Variants in SLC39A10 observed in about 807,000 individuals in gnomAD.
SLC39A10 encodes zinc transporter ZIP10.
SLC39A10 carries 13 observed loss-of-function variants against 65.1 expected under a neutral mutation model. The ratio of observed to expected loss-of-function variants is 0.20; its 90% confidence interval spans 0.13 to 0.32. The LOEUF (loss-of-function observed/expected upper bound fraction) is 0.32. Ranked by LOEUF, SLC39A10 falls within the 10% of genes least tolerant of loss-of-function variation. The probability of loss-of-function intolerance (pLI) is 1.00; values close to 1 mark genes in which losing one functional copy is unlikely to be tolerated. For synonymous variants in SLC39A10, 321 were observed against 342.2 expected (o/e 0.94, Z 0.68); for missense variants, 831 against 1,018.4 (o/e 0.82, Z 2.50).
At chr2:195,698,159 G>C (rs1691043170) in intron 3 of SLC39A10, among the ~76,000 whole-genome samples, 2 of 152,006 alleles carry the variant, frequency 1.3e-5, no homozygotes, top group African/African-American at 4.8e-5. Flanking sequence ...AGAAAAGTGA[G>C]AGTTTATTAG....
chr2:195,708,469 A>C (rs980865312), intron 4 of SLC39A10, among the ~76,000 whole-genome samples, 187 bp from the exon 5 acceptor site: 1 of 152,212 alleles, frequency 6.6e-6, no homozygotes, highest in African/African-American at 2.4e-5. Context: ...AAAATGTAGT[A>C]GTATTTTGGA....
At chr2:195,650,787 C>A (rs1419798453) in intron 2 of SLC39A10, among the ~76,000 whole-genome samples, 2 of 152,132 alleles carry the variant, frequency 1.3e-5, no homozygotes, top group East Asian at 3.8e-4. Flanking sequence ...GCGCATCAGA[C>A]AAGTTTGTCC....
At chr2:195,714,987 C>T (rs1451063897) in intron 6 of SLC39A10, among the ~76,000 whole-genome samples, 1 of 151,712 alleles carries the variant, frequency 6.6e-6, no homozygotes, top group African/African-American at 2.4e-5. Context: ...CTCCTGACCT[C>T]GTGATTCGCC....
At chr2:195,707,723 A>G (rs1691458222) in intron 4 of SLC39A10, among the ~76,000 whole-genome samples, 1 of 152,162 alleles carries the variant, frequency 6.6e-6, no homozygotes, top group South Asian at 2.1e-4. Context: ...GAGTTATTGA[A>G]GTGAGAACAG....
Position 195,728,219 on chromosome 2 carries a change from T to C in SLC39A10, c.2207T>C (p.Leu736Pro), listed in dbSNP as rs368814660. 6.2e-7 allele frequency: 1 copy of C among 1,613,898 alleles called. No homozygotes were observed. The highest frequency in any genetic ancestry group is 1.3e-5 in the African/African-American group (1 of 74,918). ...GTAAAGCAAGCAATTGTATACAACC[T>C]CCTCTCTGCCATGATGGCTTACATA... ...MTVKQAIVYN[L>P]LSAMMAYIGM... The change falls in exon 9 of 10, where the codon CTC becomes CCC. Residue 736 changes from leucine (L) to proline (P), a missense_variant. By Grantham distance (98) the Leu-to-Pro change is moderately conservative. Transcript: ENST00000359634. This position sits in a 1 kb window ranked among gnomAD's most constrained non-coding sequence, Gnocchi z 4.4.
chr2:195,625,523 C>T (rs1473144006), intron 2 of SLC39A10, among the ~76,000 whole-genome samples: 3 of 151,966 alleles, frequency 2.0e-5, no homozygotes, highest in African/African-American at 7.2e-5. Context: ...GTGATCCGCC[C>T]GCCTCGGCCT....
intron 2 of SLC39A10, among the ~76,000 whole-genome samples, chr2:195,615,900 TTA>T (rs1688196036): frequency 6.6e-6 from 1 of 152,226 alleles, no homozygotes; most frequent in Non-Finnish European, 1.5e-5. Flanking sequence ...TGCTTTCTAA[TTA>T]TGTGTATTTA....
intron 2 of SLC39A10, among the ~76,000 whole-genome samples, chr2:195,637,115 T>A (rs1167334585): frequency 1.3e-5 from 2 of 152,140 alleles, no homozygotes; most frequent in Non-Finnish European, 2.9e-5. Flanking sequence ...TGAATGAGAA[T>A]TGTTCCAGTG....
chr2:195,638,136 T>G (rs970232365), intron 2 of SLC39A10, among the ~76,000 whole-genome samples: 1 of 152,102 alleles, frequency 6.6e-6, no homozygotes, highest in African/African-American at 2.4e-5. Flanking sequence ...AACAATAATT[T>G]TATTTATTTA....
At chr2:195,645,679 C>G (rs1044470859) in intron 2 of SLC39A10, among the ~76,000 whole-genome samples, 1 of 152,128 alleles carries the variant, frequency 6.6e-6, no homozygotes, top group Non-Finnish European at 1.5e-5. Flanking sequence ...GAAGTGAAAT[C>G]ATATAATGTC....
chr2:195,718,357 C>G lies in SLC39A10; in HGVS notation c.2146+25C>G, dbSNP rs770018440. 3.3e-6 allele frequency: 5 copies of G among 1,530,624 alleles called. No homozygotes were observed. In the African/African-American group the frequency reaches 6.8e-5, roughly 21 times the overall value. 94.8% of individuals were successfully genotyped at this position (1,530,624 alleles called of 1,614,324 possible). A position where few individuals can be genotyped will look rare whatever the true frequency, so the allele number is the denominator to read the frequency against. On this transcript the variant is annotated intron_variant, in intron 8 of 9. Coordinates refer to ENST00000359634, the MANE Select transcript of SLC39A10 (RefSeq NM_020342.3). ...GGTAATATAACCTTAAAAATTTTAC[C>G]AGATTTCATCAAATCTAAGACTTCC...
chr2:195,702,932 T>C lies in SLC39A10; in HGVS notation c.1217-3684T>C, dbSNP rs79079467. On this transcript the variant is annotated intron_variant, in intron 3 of 9. Transcript: ENST00000359634. ...AAGTAAATTGATTTTTTTCATAATA[T>C]GCATTTTCCATGAACTTTTTGAAGA... 6.9e-3 allele frequency among the ~76,000 whole-genome samples: 1,055 copies of C among 152,376 alleles called. 11 individuals are homozygous for C. The highest frequency in any genetic ancestry group is 0.024 in the African/African-American group (1,018 of 41,588).
Position 195,680,151 on chromosome 2 carries a change from C to G in SLC39A10, c.109C>G (p.His37Asp), listed in dbSNP as rs771937130. The change falls in exon 2 of 10, where the codon CAC becomes GAC. Residue 37 changes from histidine to aspartate, a missense_variant. Physicochemically the swap from His to Asp is moderately conservative, Grantham distance 81. This residue lies in a region of SLC39A10 where 446 missense variants were observed against 499.2 expected (regional missense o/e 0.89). Transcript: ENST00000359634. ...ACATGACCATGGCCCTGAAGCGCTT[C>G]ACAGACAGCATCGTGGAATGACAGA... is the stretch of plus-strand genomic sequence containing the variant. The part of the protein sequence containing the change: ...EEHDHGPEAL[H>D]RQHRGMTELE... 5 of 1,614,054 alleles carry G rather than the reference C, an allele frequency of 3.1e-6. No homozygotes were observed. Among genetic ancestry groups the G allele is most frequent in the Admixed American group, 3.3e-5 (2 of 60,018 alleles).
At chr2:195,708,874 A>G in intron 5 of SLC39A10, 30 bp downstream of exon 5, 2 of 1,502,900 alleles carry the variant, frequency 1.3e-6, no homozygotes, top group East Asian at 2.5e-5. Context: ...TTAATTTTAT[A>G]CCATAAAACT....
chr2:195,623,496 G>A (rs2105689021), intron 2 of SLC39A10, among the ~76,000 whole-genome samples: 1 of 152,248 alleles, frequency 6.6e-6, no homozygotes, highest in Middle Eastern at 3.4e-3. Flanking sequence ...TCTTAAATAA[G>A]AGGTCACAGT....
chr2:195,668,833 A>G (rs1437993557), intron 1 of SLC39A10, among the ~76,000 whole-genome samples: 2 of 152,184 alleles, frequency 1.3e-5, no homozygotes, highest in Non-Finnish European at 2.9e-5. Context: ...GTCACATCCC[A>G]GCACTTTGGG....
intron 6 of SLC39A10, 108 bp from the exon 7 acceptor site, chr2:195,716,529 T>C (rs1242949422): frequency 2.3e-6 from 2 of 856,910 alleles, no homozygotes; most frequent in Admixed American, 3.2e-5. Flanking sequence ...TTAAGAATTC[T>C]AAAAGACATT....
upstream of SLC39A10, among the ~76,000 whole-genome samples, chr2:195,654,361 T>C (rs1239261730): frequency 6.6e-6 from 1 of 150,806 alleles, no homozygotes; most frequent in African/African-American, 2.4e-5. Context: ...CAGCCACTGC[T>C]AAAGATTGGG....
chr2:195,705,375 A>G (rs1341269288), intron 3 of SLC39A10, among the ~76,000 whole-genome samples: 1 of 152,024 alleles, frequency 6.6e-6, no homozygotes, highest in African/African-American at 2.4e-5. Context: ...GTGATAGATT[A>G]TCTATTGTTT....
Sources: allele counts gnomAD v4.1 joint callset (sites outside exome capture counted in the v4.1 genomes callset), GRCh38; gene constraint gnomAD v4.1.1; regional missense constraint gnomAD v4.1.1; non-coding constraint Gnocchi (gnomAD v3.1); transcripts MANE v1.5; gene names NCBI Gene and HGNC (gene_info 2026-07-23, HGNC 2026-07-21).